Variants in KIAA1328 observed in about 807,000 individuals in gnomAD.
The protein encoded by KIAA1328 is KIAA1328.
KIAA1328 carries 52 observed loss-of-function variants against 68.1 expected under a neutral mutation model. The ratio of observed to expected loss-of-function variants is 0.76; its 90% confidence interval spans 0.61 to 0.96. The LOEUF (loss-of-function observed/expected upper bound fraction) is 0.96, where lower values mean the gene tolerates loss of function less well. Ranked by LOEUF, KIAA1328 falls within the 40% of genes least tolerant of loss-of-function variation. The pLI is 0.00. For synonymous variants in KIAA1328, 232 were observed against 239.4 expected (o/e 0.97, Z 0.28); for missense variants, 641 against 677.6 (o/e 0.95, Z 0.60).
At chr18:36,979,982 G>T (rs891657512) in intron 6 of KIAA1328, among the ~76,000 whole-genome samples, 1 of 152,122 alleles carries the variant, frequency 6.6e-6, no homozygotes, top group African/African-American at 2.4e-5. Context: ...ACAGAGTAAT[G>T]CTGTTATAAA....
At chr18:36,919,477 A>C (rs919380134) in intron 5 of KIAA1328, among the ~76,000 whole-genome samples, 2 of 152,064 alleles carry the variant, frequency 1.3e-5, no homozygotes, top group African/African-American at 4.8e-5. Context: ...TATCCAGTCC[A>C]CTGTTGATTC....
intron 4 of KIAA1328, among the ~76,000 whole-genome samples, chr18:36,849,940 G>A (rs1183989474): frequency 6.6e-6 from 1 of 152,034 alleles, no homozygotes; most frequent in Non-Finnish European, 1.5e-5. Flanking sequence ...TTCCCCGGTG[G>A]CTAATGATAC....
intron 6 of KIAA1328, among the ~76,000 whole-genome samples, chr18:36,960,527 T>C (rs1350763934): frequency 2.0e-5 from 3 of 152,190 alleles, no homozygotes; most frequent in Non-Finnish European, 4.4e-5. Context: ...GACCACTGTG[T>C]AGCCTGACTG....
chr18:37,066,985 G>T lies in KIAA1328; in HGVS notation c.672G>T (p.Lys224Asn), dbSNP rs1241347015. The change falls in exon 7 of 10, where the codon AAG (lysine) becomes AAT (asparagine). Residue 224 changes from lysine to asparagine, a missense_variant. Physicochemically the swap from Lys to Asn is moderately conservative, Grantham distance 94 (BLOSUM62 0). Coordinates refer to ENST00000280020, the MANE Select transcript of KIAA1328 (RefSeq NM_020776.3). ...GACCACAGACCTACTATCAAACCAA[G>T]CAAAGACCTAAGTCTGCAGTCCAGG... The part of the protein sequence containing the change: ...IARPQTYYQT[K>N]QRPKSAVQDS... 1.9e-6 allele frequency: 3 copies of T among 1,613,634 alleles called. No homozygotes were observed. The highest frequency in any genetic ancestry group is 2.5e-6 in the Non-Finnish European group (3 of 1,179,744).
intron 6 of KIAA1328, among the ~76,000 whole-genome samples, chr18:36,977,505 T>TC (rs1025693362): frequency 2.0e-5 from 3 of 152,184 alleles, no homozygotes; most frequent in African/African-American, 7.2e-5. Flanking sequence ...GACTGCTGTT[T>TC]CCCGATACTC....
At chr18:37,091,355 T>C (rs924528998) in intron 7 of KIAA1328, among the ~76,000 whole-genome samples, 1 of 152,110 alleles carries the variant, frequency 6.6e-6, no homozygotes, top group African/African-American at 2.4e-5. Context: ...GAACTCCTCA[T>C]TGGGAAAAAA....
intron 6 of KIAA1328, among the ~76,000 whole-genome samples, chr18:36,997,758 A>G (rs1210222097): frequency 6.6e-6 from 1 of 152,184 alleles, no homozygotes; most frequent in Admixed American, 6.5e-5. Context: ...AAAATGAGCA[A>G]TCTGGGGGCC....
intron 4 of KIAA1328, among the ~76,000 whole-genome samples, chr18:36,879,986 T>C (rs2048275900): frequency 1.3e-5 from 2 of 152,212 alleles, no homozygotes; most frequent in African/African-American, 4.8e-5. Flanking sequence ...TGGGATCTGC[T>C]GAGCAAGGTG....
intron 6 of KIAA1328, among the ~76,000 whole-genome samples, chr18:37,025,423 C>G (rs1479718860): frequency 6.6e-6 from 1 of 152,206 alleles, no homozygotes; most frequent in East Asian, 1.9e-4. Context: ...AATATGCATT[C>G]TTCTCAGCAT....
intron 7 of KIAA1328, among the ~76,000 whole-genome samples, chr18:37,126,327 C>A (rs1274633121): frequency 2.6e-5 from 4 of 151,844 alleles, no homozygotes; most frequent in Admixed American, 6.6e-5. Context: ...CAACTTTATG[C>A]CAATAAATTC....
At chr18:37,133,943 C>T (rs1683516) in intron 7 of KIAA1328, among the ~76,000 whole-genome samples, 61,350 of 151,860 alleles carry the variant, frequency 0.4, 14,227 homozygotes, top group African/African-American at 0.64. Flanking sequence ...TTGATAATTA[C>T]TTCTATGAAC....
intron 6 of KIAA1328, among the ~76,000 whole-genome samples, chr18:37,023,653 A>G (rs549204871): frequency 2.6e-5 from 4 of 152,298 alleles, no homozygotes; most frequent in African/African-American, 9.6e-5. Context: ...AGACCTGTCA[A>G]CCATTGGGTT....
At chr18:37,140,551 T>C (rs1466632026) in intron 7 of KIAA1328, among the ~76,000 whole-genome samples, 2 of 152,138 alleles carry the variant, frequency 1.3e-5, no homozygotes, top group African/African-American at 4.8e-5. Context: ...AGAATGTTTT[T>C]TCTTTCCCCA....
intron 8 of KIAA1328, among the ~76,000 whole-genome samples, chr18:37,165,574 C>T (rs974055502): frequency 3.3e-5 from 5 of 150,630 alleles, no homozygotes; most frequent in Non-Finnish European, 7.4e-5. Flanking sequence ...TGTGTGCCAC[C>T]ACACCCGGCT....
At chr18:37,215,006 C>T (rs2060399244) in intron 9 of KIAA1328, among the ~76,000 whole-genome samples, 1 of 152,142 alleles carries the variant, frequency 6.6e-6, no homozygotes, top group African/African-American at 2.4e-5. Flanking sequence ...GATTTTGTAT[C>T]CTGAGATTTG....
chr18:36,867,102 C>T (rs2047779775), intron 4 of KIAA1328, among the ~76,000 whole-genome samples: 1 of 152,108 alleles, frequency 6.6e-6, no homozygotes, highest in Non-Finnish European at 1.5e-5. Context: ...ATGTGATCCC[C>T]AGCGTTGGAG....
intron 6 of KIAA1328, among the ~76,000 whole-genome samples, chr18:37,065,393 A>T (rs766883146): frequency 9.9e-5 from 15 of 152,160 alleles, no homozygotes; most frequent in South Asian, 6.2e-4. Flanking sequence ...GTATATCTAG[A>T]GTAAATAGGC....
chr18:36,836,051 C>T (rs2046662912), intron 3 of KIAA1328, among the ~76,000 whole-genome samples: 1 of 152,148 alleles, frequency 6.6e-6, no homozygotes, highest in Admixed American at 6.5e-5. Flanking sequence ...GTTACAATAG[C>T]AGGGTTGCTA....
intron 7 of KIAA1328, chr18:37,084,151 CGAGAG>C: frequency 9.3e-6 from 14 of 1,511,270 alleles, no homozygotes; most frequent in Non-Finnish European, 1.2e-5. Flanking sequence ...CTGTTTAAGT[CGAGAG>C]AACTGGTTGC....
Sources: gnomAD v4.1 joint callset for allele counts (sites outside exome capture counted in the v4.1 genomes callset) on GRCh38, gnomAD v4.1.1 for gene constraint, MANE v1.5 for transcripts, NCBI Gene and HGNC (gene_info 2026-07-23, HGNC 2026-07-21) for gene names.